The following BAAT variants were observed in gnomAD, a reference collection of about 807,000 sequenced individuals.
BAAT encodes bile acid CoA: amino acid N-acyltransferase (glycine N-choloyltransferase).
Under a neutral mutation model 18.9 loss-of-function variants are expected in BAAT, and 13 were observed. The ratio of observed to expected loss-of-function variants is 0.69; its 90% CI spans 0.45 to 1.10. The LOEUF (loss-of-function observed/expected upper bound fraction) is 1.10, where lower values mean the gene tolerates loss of function less well. Among genes scored for constraint, BAAT ranks in the 50% least tolerant of loss-of-function variants. The pLI is 0.00. For missense variants in BAAT, 489 were observed against 504.0 expected (o/e 0.97, Z 0.28); for synonymous variants, 170 against 190.7 (o/e 0.89, Z 0.89).
At chr9:101,382,850 T>C (rs551991777) in intron 1 of BAAT, among the ~76,000 whole-genome samples, 3 of 152,318 alleles carry the variant, frequency 2.0e-5, no homozygotes, top group East Asian at 3.9e-4. Flanking sequence ...TAGAAAGTCA[T>C]TAACTTTAGC....
chr9:101,368,998 C>T (rs998663688), intron 2 of BAAT, among the ~76,000 whole-genome samples: 4 of 152,148 alleles, frequency 2.6e-5, no homozygotes, highest in African/African-American at 9.7e-5. Flanking sequence ...AAATGATGAG[C>T]CCCTTTATTC....
At chr9:101,372,357 C>A (rs1829966908) in intron 1 of BAAT, among the ~76,000 whole-genome samples, 1 of 149,556 alleles carries the variant, frequency 6.7e-6, no homozygotes, top group Non-Finnish European at 1.5e-5. Flanking sequence ...TTGGAAAGAA[C>A]AAAAGGGGTG....
chr9:101,361,969 C>T lies in BAAT; in HGVS notation c.*459G>A, dbSNP rs41281023. The T allele has an allele frequency of 4.9e-3, 827 of 170,324 alleles. 5 individuals carry two copies. The highest frequency in any genetic ancestry group is 7.5e-3 in the Non-Finnish European group (590 of 78,466). The allele number at this position is 170,324 out of a possible 1,614,324, so 10.6% of individuals were successfully genotyped here. Reference sequence around the variant, plus strand: ...ACCCCACAAATGAAAAATGATGTTGCAAAGTTACTGTGGTGAAGTTGAAAA... The same window carrying T: ...ACCCCACAAATGAAAAATGATGTTGTAAAGTTACTGTGGTGAAGTTGAAAA... On this transcript the variant is annotated 3_prime_UTR_variant, in exon 4 of 4. Transcript: ENST00000259407.
rs754615004 is a variant in BAAT, at chr9:101,362,848, G to C, written c.837C>G (p.Pro279=). The change falls in exon 4 of 4, where the codon CCC becomes CCG. Residue 279 remains proline, a synonymous_variant. Coordinates refer to ENST00000259407, the MANE Select transcript of BAAT (RefSeq NM_001701.4). ...VYHGQIHQPL[P]HSAQLISTNA... ...TGGTGGATATTAATTGTGCAGAATGGGGAAGGGGCTGATGGATCTGACCAT... is the reference window on the plus strand; with the variant it reads ...TGGTGGATATTAATTGTGCAGAATGCGGAAGGGGCTGATGGATCTGACCAT... 6.2e-7 allele frequency: 1 copy of C among 1,614,126 alleles called. No homozygotes were observed. Among genetic ancestry groups the C allele is most frequent in the South Asian group, 1.1e-5 (1 of 91,080 alleles).
intron 1 of BAAT, among the ~76,000 whole-genome samples, chr9:101,384,476 G>A (rs2119044244): frequency 6.6e-6 from 1 of 152,276 alleles, no homozygotes; most frequent in South Asian, 2.1e-4. Context: ...TGGTTAGGAA[G>A]TGAATCACTC....
At chr9:101,375,741 C>G (rs867298958) in intron 1 of BAAT, 2 of 152,592 alleles carry the variant, frequency 1.3e-5, no homozygotes, top group Middle Eastern at 3.4e-3. Flanking sequence ...AGGGAGGAGC[C>G]TGGCCCCTCC....
At chr9:101,365,185 A>C (rs1265201926) in intron 3 of BAAT, among the ~76,000 whole-genome samples, 1 of 152,208 alleles carries the variant, frequency 6.6e-6, no homozygotes, top group Non-Finnish European at 1.5e-5. Context: ...GCTCCTGGCA[A>C]GGACAGAGTC....
At chr9:101,380,792 C>T (rs138253935) in intron 1 of BAAT, among the ~76,000 whole-genome samples, 1,982 of 152,166 alleles carry the variant, frequency 0.013, 43 homozygotes, top group African/African-American at 0.042. Flanking sequence ...CTTGCTCTGT[C>T]GCCCAGGCTG....
chr9:101,365,529 TA>T (rs1829811809), intron 3 of BAAT, among the ~76,000 whole-genome samples: 3 of 152,112 alleles, frequency 2.0e-5, no homozygotes, highest in Admixed American at 2.0e-4. Context: ...TTTAATTTAT[TA>T]TTTTTTACTT....
At position 101,371,448 on chromosome 9, in the gene BAAT, A is replaced by G; in HGVS notation, c.-44T>C. 2 of 1,562,700 alleles carry G rather than the reference A, an allele frequency of 1.3e-6. No homozygotes were observed. Among genetic ancestry groups the G allele is most frequent in the Non-Finnish European group, 1.7e-6 (2 of 1,147,074 alleles). Reference sequence around the variant, plus strand: ...GGGATGATTCTTCAGGAATATCTTCAGCAAAACCTCAAAACCTCAAAAAAG... The same window carrying G: ...GGGATGATTCTTCAGGAATATCTTCGGCAAAACCTCAAAACCTCAAAAAAG... On this transcript the variant is annotated 5_prime_UTR_variant, in exon 2 of 4. Transcript: ENST00000259407.
chr9:101,371,854 C>T (rs1009651446), intron 1 of BAAT, among the ~76,000 whole-genome samples: 1 of 152,036 alleles, frequency 6.6e-6, no homozygotes, highest in African/African-American at 2.4e-5. Context: ...ATATATGAGA[C>T]ATTTGACTTC....
chr9:101,376,173 G>GT (rs1357396909), intron 1 of BAAT: 2 of 169,600 alleles, frequency 1.2e-5, no homozygotes, highest in African/African-American at 2.4e-5. Context: ...ACTGCAACTG[G>GT]TTTTTTTCTG....
At chr9:101,363,839 C>A (rs1037548443) in intron 3 of BAAT, among the ~76,000 whole-genome samples, 2 of 152,100 alleles carry the variant, frequency 1.3e-5, no homozygotes, top group African/African-American at 2.4e-5. Context: ...CATAGTGAGA[C>A]CCTATCTCTA....
chr9:101,384,306 G>A (rs1279274639), intron 1 of BAAT, among the ~76,000 whole-genome samples: 2 of 152,146 alleles, frequency 1.3e-5, no homozygotes, highest in African/African-American at 4.8e-5. Context: ...AGGTGAATAT[G>A]AGAAAAAGTC....
intron 2 of BAAT, among the ~76,000 whole-genome samples, chr9:101,368,530 A>T (rs745752469): frequency 6.6e-6 from 1 of 152,162 alleles, no homozygotes; most frequent in Non-Finnish European, 1.5e-5. Context: ...ATTCAAATAC[A>T]ATTCCAACAC....
chr9:101,381,559 A>G (rs1830132979), intron 1 of BAAT, among the ~76,000 whole-genome samples: 1 of 152,202 alleles, frequency 6.6e-6, no homozygotes, highest in African/African-American at 2.4e-5. Context: ...ATACATAAAA[A>G]TAAAAAAGAA....
In BAAT at chr9:101,371,153, A is replaced by G. The variant is rs1829933909; in HGVS notation, c.252T>C (p.Pro84=). The change falls in exon 2 of 4, where the codon CCT becomes CCC. Residue 84 remains proline, a synonymous_variant. Coordinates refer to ENST00000259407, the MANE Select transcript of BAAT (RefSeq NM_001701.4). Reference sequence around the variant, plus strand: ...TCAACAGTCTTGTTAATAGCTTTTCAGGTTTCAGAGACCAGAAGAGACCCA... The same window carrying G: ...TCAACAGTCTTGTTAATAGCTTTTCGGGTTTCAGAGACCAGAAGAGACCCA... ...HPMGLFWSLK[P]EKLLTRLLKR... is the part of the protein sequence containing the mutation. The G allele has an allele frequency of 6.2e-7, 1 of 1,614,180 alleles. No homozygotes were observed. The highest frequency in any genetic ancestry group is 2.2e-5 in the East Asian group (1 of 44,880).
intron 3 of BAAT, among the ~76,000 whole-genome samples, chr9:101,363,451 GT>G (rs147137525): frequency 6.6e-6 from 1 of 152,016 alleles, no homozygotes; most frequent in Admixed American, 6.5e-5. Context: ...GATTTGCTTT[GT>G]TTTTTCCAAA....
rs377662805 is a variant in BAAT, at chr9:101,384,917, G to A, written c.-122C>T. Among the ~76,000 whole-genome samples, 1 of 152,062 alleles carries A rather than the reference G, an allele frequency of 6.6e-6. No individual in the cohort carries two copies. The highest frequency in any genetic ancestry group is 1.5e-5 in the Non-Finnish European group (1 of 68,024). On this transcript the variant is annotated 5_prime_UTR_variant, in exon 1 of 4. Transcript: ENST00000259407. ...TTCTATTTTCCCTAAGTGTCGGCTGGTCTGAGAAATAAAGAGAAAGAGTAC... is the reference window on the plus strand; with the variant it reads ...TTCTATTTTCCCTAAGTGTCGGCTGATCTGAGAAATAAAGAGAAAGAGTAC...
Sources: allele counts gnomAD v4.1 joint callset (sites outside exome capture counted in the v4.1 genomes callset), GRCh38; gene constraint gnomAD v4.1.1; transcripts MANE v1.5; gene names NCBI Gene and HGNC (gene_info 2026-07-23, HGNC 2026-07-21).